CCDC13: variants seen among roughly 807,000 people sequenced by gnomAD.
CCDC13 encodes the protein coiled-coil domain-containing protein 13.
CCDC13 carries 70 observed loss-of-function variants against 87.3 expected under a neutral mutation model. The observed-to-expected ratio is 0.80, with a 90% CI of 0.66 to 0.98. CCDC13 has a LOEUF of 0.98. Ranked by LOEUF, CCDC13 falls within the 50% of genes least tolerant of loss-of-function variation. The pLI is 0.00. For synonymous variants in CCDC13, 317 were observed against 360.3 expected (o/e 0.88, Z 1.36); for missense variants, 842 against 892.0 (o/e 0.94, Z 0.71).
At chr3:42,725,917 G>C (rs940473625) in intron 13 of CCDC13, among the ~76,000 whole-genome samples, 5 of 152,132 alleles carry the variant, frequency 3.3e-5, no homozygotes, top group Admixed American at 1.3e-4. Flanking sequence ...CATTACTTAG[G>C]ATCCTAATTA....
downstream of CCDC13, chr3:42,704,246 A>C (rs1698113525): frequency 6.6e-6 from 1 of 152,304 alleles, no homozygotes; most frequent in Non-Finnish European, 1.5e-5. Context: ...AGCTCCTGGC[A>C]CTGACTGCCC....
chr3:42,738,212 G>T (rs1430784131), intron 9 of CCDC13, among the ~76,000 whole-genome samples: 4 of 152,216 alleles, frequency 2.6e-5, no homozygotes, highest in African/African-American at 9.7e-5. Flanking sequence ...TCAAAGATCA[G>T]ATGGTTGTAG....
chr3:42,726,963 G>A (rs947514124), intron 13 of CCDC13, among the ~76,000 whole-genome samples: 3 of 152,048 alleles, frequency 2.0e-5, no homozygotes, highest in African/African-American at 7.2e-5. Flanking sequence ...AATAGTAGAT[G>A]ATAAAAAACA....
At chr3:42,751,696 G>A (rs1380970575) in intron 5 of CCDC13, among the ~76,000 whole-genome samples, 1 of 152,240 alleles carries the variant, frequency 6.6e-6, no homozygotes, top group Admixed American at 6.5e-5. Flanking sequence ...AGACAGAGTT[G>A]GAGCTACACC....
chr3:42,728,419 G>A (rs1180565359), intron 13 of CCDC13, among the ~76,000 whole-genome samples: 1 of 151,882 alleles, frequency 6.6e-6, no homozygotes. Context: ...GCAAGGCTGG[G>A]ACAGACTCTG....
intron 12 of CCDC13, among the ~76,000 whole-genome samples, chr3:42,730,917 T>C (rs1698813984): frequency 6.6e-6 from 1 of 152,088 alleles, no homozygotes; most frequent in Non-Finnish European, 1.5e-5. Flanking sequence ...TGGGTATCTG[T>C]GTGGCCTTTG....
At chr3:42,713,014 A>G (rs981134087) in intron 14 of CCDC13, 148 bp downstream of exon 14, 24 of 879,516 alleles carry the variant, frequency 2.7e-5, no homozygotes, top group Non-Finnish European at 3.9e-5. Flanking sequence ...AGAACACCCC[A>G]CAGTGGAGGC....
chr3:42,721,000 G>A (rs544666362), intron 13 of CCDC13, among the ~76,000 whole-genome samples: 4 of 152,292 alleles, frequency 2.6e-5, no homozygotes, highest in African/African-American at 9.6e-5. Flanking sequence ...TAATGCTACA[G>A]TAACATTTGG....
At position 42,745,949 on chromosome 3, in the gene CCDC13, G is replaced by A; in HGVS notation, c.799C>T (p.Gln267Ter). ...SSPGTWRGRA[Q>*]QILVLQSKVQ... ...TTGCTCTGCAAAACAAGAATTTGTTGAGCCCGACCCCTCCAGGTCCCTGGC... is the reference window on the plus strand; with the variant it reads ...TTGCTCTGCAAAACAAGAATTTGTTAAGCCCGACCCCTCCAGGTCCCTGGC... The change falls in exon 7 of 16, where the codon CAA becomes TAA. Residue 267 changes from glutamine to a stop codon, truncating the protein, a stop_gained. Coordinates refer to ENST00000310232, the MANE Select transcript of CCDC13 (RefSeq NM_144719.4). LOFTEE classifies it high-confidence loss of function. 6.2e-7 allele frequency: 1 copy of A among 1,614,052 alleles called. No homozygotes were observed.
At chr3:42,772,224 C>G (rs972278517) in intron 1 of CCDC13, among the ~76,000 whole-genome samples, 4 of 138,734 alleles carry the variant, frequency 2.9e-5, no homozygotes, top group African/African-American at 5.4e-5. Flanking sequence ...GAGCCAAGAT[C>G]GCGCTACTGC....
At chr3:42,716,537 T>C (rs568151590) in intron 13 of CCDC13, among the ~76,000 whole-genome samples, 3 of 152,328 alleles carry the variant, frequency 2.0e-5, no homozygotes, top group African/African-American at 7.2e-5. Context: ...GGCAAAAGAC[T>C]TGTGTTTCTC....
intron 3 of CCDC13, among the ~76,000 whole-genome samples, chr3:42,756,169 T>C (rs776589882): frequency 1.3e-5 from 2 of 152,268 alleles, no homozygotes; most frequent in African/African-American, 2.4e-5. Context: ...GTCTGGTAGA[T>C]GCTGAGTCAG....
intron 13 of CCDC13, 104 bp from the exon 14 acceptor site, chr3:42,713,420 A>G (rs3895740): frequency 0.48 from 541,335 of 1,118,584 alleles, 132,390 homozygotes; most frequent in African/African-American, 0.6. Flanking sequence ...TTACATTGGT[A>G]GTGATGGGAC....
chr3:42,709,231 G>A (rs1698245253), intron 15 of CCDC13, 92 bp from the exon 16 acceptor site: 2 of 1,349,568 alleles, frequency 1.5e-6, no homozygotes, highest in Admixed American at 2.4e-5. Flanking sequence ...TTGCCAGCAT[G>A]GCTGCTCTTC....
rs373391280 is a variant in CCDC13, at chr3:42,709,764, G to A, written c.1908C>T (p.Thr636=). Residue 636 remains threonine (T), a synonymous_variant, in exon 15 of 16, where the codon ACC becomes ACT. Coordinates refer to ENST00000310232, the MANE Select transcript of CCDC13 (RefSeq NM_144719.4). ...LPTSNNRHNP[T]GSEKKDPSFA... is the part of the protein sequence containing the mutation. ...AGGATGGGTCCTTCTTCTCGCTCCC[G>A]GTTGGGTTGTGCCTGTTGTTAGAGG... The A allele has an allele frequency of 2.7e-5, 44 of 1,614,172 alleles. No homozygotes were observed. The Admixed American group carries it at 3.7e-4, about 13-fold the overall frequency.
At chr3:42,755,604 C>G (rs926042338) in intron 3 of CCDC13, among the ~76,000 whole-genome samples, 1 of 152,126 alleles carries the variant, frequency 6.6e-6, no homozygotes, top group Non-Finnish European at 1.5e-5. Flanking sequence ...AAGACTCTGT[C>G]TCAAAAAGAA....
chr3:42,716,905 G>A (rs1698443171), intron 13 of CCDC13, among the ~76,000 whole-genome samples: 1 of 152,118 alleles, frequency 6.6e-6, no homozygotes, highest in Admixed American at 6.5e-5. Context: ...TAGCCAAAAA[G>A]GTGGAAACAA....
chr3:42,733,678 T>C (rs1280407456), intron 10 of CCDC13, 69 bp from the exon 11 acceptor site: 2 of 1,519,100 alleles, frequency 1.3e-6, no homozygotes. Context: ...CAGGAGGGGA[T>C]CTTGGCTTGA....
intron 1 of CCDC13, among the ~76,000 whole-genome samples, chr3:42,758,635 A>G (rs890192592): frequency 6.6e-6 from 1 of 152,178 alleles, no homozygotes; most frequent in African/African-American, 2.4e-5. Flanking sequence ...CCTTAAATCA[A>G]TGGTTCTCAA....
Sources: allele counts gnomAD v4.1 joint callset (sites outside exome capture counted in the v4.1 genomes callset), GRCh38; gene constraint gnomAD v4.1.1; transcripts MANE v1.5; gene names NCBI Gene and HGNC (gene_info 2026-07-23, HGNC 2026-07-21).